Variants in CDIN1 observed in about 807,000 individuals in gnomAD.
CDIN1 encodes the protein CDAN1-interacting nuclease 1.
CDIN1 carries 33 observed loss-of-function variants against 45.3 expected under a neutral mutation model. That is an observed-to-expected ratio of 0.73 (90% CI 0.55 to 0.97). The LOEUF (loss-of-function observed/expected upper bound fraction) is 0.97, where lower values mean the gene tolerates loss of function less well. Ranked by LOEUF, CDIN1 falls within the 50% of genes least tolerant of loss-of-function variation. The pLI, the probability that CDIN1 is intolerant of heterozygous loss-of-function variation, is 0.00. For synonymous variants in CDIN1, 118 were observed against 124.4 expected (o/e 0.95, Z 0.34); for missense variants, 303 against 339.4 (o/e 0.89, Z 0.84).
At chr15:36,700,109 C>T (rs1365812091) in intron 8 of CDIN1, among the ~76,000 whole-genome samples, 10 of 152,096 alleles carry the variant, frequency 6.6e-5, no homozygotes, top group Non-Finnish European at 1.5e-5. Context: ...AGACAAGCTA[C>T]CAATGAACAC....
At chr15:36,800,738 G>A (rs2054984532) in intron 10 of CDIN1, among the ~76,000 whole-genome samples, 2 of 150,500 alleles carry the variant, frequency 1.3e-5, no homozygotes, top group South Asian at 2.1e-4. Flanking sequence ...TTTTTTTGAT[G>A]GTGAAACAAT....
At chr15:36,618,171 C>A (rs28540392) in intron 1 of CDIN1, 8 of 702,364 alleles carry the variant, frequency 1.1e-5, no homozygotes, top group Non-Finnish European at 1.8e-5. Flanking sequence ...AGACATGCTA[C>A]TGCTATGAAT....
At chr15:36,747,395 T>C (rs531076117) in intron 10 of CDIN1, among the ~76,000 whole-genome samples, 73 of 152,334 alleles carry the variant, frequency 4.8e-4, no homozygotes, top group South Asian at 1.4e-3. Flanking sequence ...TTTTCATTTA[T>C]TCCATGCTCT....
At chr15:36,783,336 G>A (rs1241115713) in intron 10 of CDIN1, among the ~76,000 whole-genome samples, 1 of 131,012 alleles carries the variant, frequency 7.6e-6, no homozygotes, top group East Asian at 2.6e-4. Context: ...ACATATGTTG[G>A]GATTGGAGTA....
chr15:36,702,169 C>A, intron 8 of CDIN1: 1 of 700,690 alleles, frequency 1.4e-6, no homozygotes, highest in East Asian at 2.7e-5. Flanking sequence ...CATAAGGAAT[C>A]CACCATTTAA....
intron 10 of CDIN1, among the ~76,000 whole-genome samples, chr15:36,771,394 T>C (rs1367389406): frequency 1.3e-5 from 2 of 152,172 alleles, no homozygotes; most frequent in East Asian, 3.9e-4. Context: ...AAAGTAATAA[T>C]AATAATACAT....
At chr15:36,665,130 A>G (rs2041199592) in intron 5 of CDIN1, among the ~76,000 whole-genome samples, 1 of 152,144 alleles carries the variant, frequency 6.6e-6, no homozygotes, top group African/African-American at 2.4e-5. Flanking sequence ...TTGGTTAGGC[A>G]TTTTCTTGTA....
intron 10 of CDIN1, among the ~76,000 whole-genome samples, chr15:36,807,193 C>T (rs755648783): frequency 2.6e-5 from 4 of 152,164 alleles, no homozygotes; most frequent in Non-Finnish European, 5.9e-5. Context: ...TACAGTATCT[C>T]GCAGCCCATC....
intron 10 of CDIN1, among the ~76,000 whole-genome samples, chr15:36,779,650 C>T (rs551749331): frequency 8.5e-5 from 13 of 152,286 alleles, no homozygotes; most frequent in South Asian, 4.1e-4. Context: ...ACATGGGTGA[C>T]GGAAAGAATC....
intron 3 of CDIN1, among the ~76,000 whole-genome samples, chr15:36,650,216 T>C (rs898434210): frequency 6.6e-6 from 1 of 152,220 alleles, no homozygotes; most frequent in Non-Finnish European, 1.5e-5. Flanking sequence ...CTTATGCTCA[T>C]GTGCACCAAT....
chr15:36,612,644 A>G (rs1371732892), intron 1 of CDIN1, among the ~76,000 whole-genome samples: 10 of 152,162 alleles, frequency 6.6e-5, no homozygotes, highest in Non-Finnish European at 1.5e-4. Flanking sequence ...TTGGCATGTT[A>G]TGATGCTGAG....
At chr15:36,653,283 G>A (rs1013675625) in intron 3 of CDIN1, among the ~76,000 whole-genome samples, 9 of 152,138 alleles carry the variant, frequency 5.9e-5, no homozygotes, top group Non-Finnish European at 8.8e-5. Flanking sequence ...TTATCCAGGT[G>A]AGGGATGGGA....
rs1456086025 is a variant in CDIN1 at position 36,782,139 on chromosome 15, CTA to C, written c.717-26184_717-26183del. ...CAGCCTTGACTTTTCAAGAGTGTCT[CTA>C]GTTATCTTAATGAATATTGAAAAAT... is the stretch of plus-strand genomic sequence containing the variant. On this transcript the variant is annotated intron_variant, in intron 10 of 10. Transcript: ENST00000566621. Among the ~76,000 whole-genome samples, 6 of 152,104 alleles carry C rather than the reference CTA, an allele frequency of 3.9e-5. No individual in the cohort carries two copies. In the East Asian group the frequency reaches 1.2e-3, roughly 29 times the overall value.
intron 10 of CDIN1, among the ~76,000 whole-genome samples, chr15:36,748,238 G>A (rs1394123052): frequency 6.6e-6 from 1 of 152,232 alleles, no homozygotes; most frequent in Non-Finnish European, 1.5e-5. Flanking sequence ...CAGGTAACTA[G>A]AAGTACTTGA....
chr15:36,738,867 A>C (rs2044129257), intron 10 of CDIN1, among the ~76,000 whole-genome samples: 1 of 152,214 alleles, frequency 6.6e-6, no homozygotes, highest in Non-Finnish European at 1.5e-5. Context: ...CCCCTGTATC[A>C]CTAGGATTAA....
chr15:36,628,623 G>A (rs1036447962), intron 1 of CDIN1, among the ~76,000 whole-genome samples: 3 of 152,114 alleles, frequency 2.0e-5, no homozygotes, highest in African/African-American at 7.2e-5. Context: ...TTTTGAACCT[G>A]AGTTGATTCT....
chr15:36,652,423 C>T (rs75202017), intron 3 of CDIN1, among the ~76,000 whole-genome samples: 2 of 152,130 alleles, frequency 1.3e-5, no homozygotes, highest in East Asian at 1.9e-4. Flanking sequence ...ATAGTAAATA[C>T]GCACTCTTGG....
At chr15:36,591,426 G>A (rs1308549670) in intron 1 of CDIN1, among the ~76,000 whole-genome samples, 2 of 152,148 alleles carry the variant, frequency 1.3e-5, no homozygotes, top group Non-Finnish European at 2.9e-5. Context: ...ACTGTTCCTT[G>A]TATAACGTTA....
chr15:36,625,784 C>T lies in CDIN1; in HGVS notation c.102-18494C>T, dbSNP rs191619923. The stretch of plus-strand genomic sequence containing the variant: ...CATCAACTCTCAGTATGGCCTGTTA[C>T]GTAAGGATCCCCAGTGCCTTAGTGT... On this transcript the variant is annotated intron_variant, in intron 1 of 10. Coordinates refer to ENST00000566621, the MANE Select transcript of CDIN1 (RefSeq NM_001321759.2). 8.5e-5 allele frequency among the ~76,000 whole-genome samples: 13 copies of T among 152,254 alleles called. No homozygotes were observed. The East Asian group carries it at 1.4e-3, about 16-fold the overall frequency.
Sources: allele counts gnomAD v4.1 joint callset (sites outside exome capture counted in the v4.1 genomes callset), GRCh38; gene constraint gnomAD v4.1.1; transcripts MANE v1.5; gene names NCBI Gene and HGNC (gene_info 2026-07-23, HGNC 2026-07-21).